DENND1B: variants seen among roughly 807,000 people sequenced by gnomAD.
DENND1B encodes the protein DENN domain containing 1B.
Under a neutral mutation model 90.1 loss-of-function variants are expected in DENND1B, and 59 were observed. That is an observed-to-expected ratio of 0.65 (90% confidence interval 0.53 to 0.81). The LOEUF is 0.81. DENND1B is among the 40% of genes least tolerant of loss of function. DENND1B has a pLI of 0.00. For missense variants in DENND1B, 862 were observed against 912.6 expected, an observed-to-expected ratio of 0.94 and a Z score of 0.71; for synonymous variants, 337 against 324.6, an observed-to-expected ratio of 1.04 and a Z score of -0.41.
At chr1:197,679,265 T>C (rs1656405800) in intron 3 of DENND1B, among the ~76,000 whole-genome samples, 1 of 151,362 alleles carries the variant, frequency 6.6e-6, no homozygotes, top group African/African-American at 2.4e-5. Context: ...AAAGACTAGA[T>C]TGGAAGCAGT....
intron 15 of DENND1B, among the ~76,000 whole-genome samples, chr1:197,573,103 T>A (rs1673329657): frequency 6.6e-6 from 1 of 152,214 alleles, no homozygotes; most frequent in Non-Finnish European, 1.5e-5. Context: ...CCTGGATTCA[T>A]TAATTTTTTG....
intron 2 of DENND1B, chr1:197,747,062 T>TCC (rs1652783801): frequency 5.1e-6 from 4 of 785,720 alleles, no homozygotes; most frequent in Admixed American, 1.7e-5. Context: ...AAATACTGAG[T>TCC]AAGCTCCTTC....
intron 13 of DENND1B, among the ~76,000 whole-genome samples, chr1:197,597,711 G>C (rs990807487): frequency 6.6e-6 from 1 of 151,766 alleles, no homozygotes; most frequent in Admixed American, 6.6e-5. Flanking sequence ...TAAATATGCA[G>C]CCTTCACTTC....
chr1:197,510,524 A>G lies in DENND1B; in HGVS notation c.2264T>C (p.Met755Thr). 30 of 1,612,380 alleles carry G rather than the reference A, an allele frequency of 1.9e-5. No homozygotes were observed. Among genetic ancestry groups the G allele is most frequent in the Non-Finnish European group, 2.5e-5 (30 of 1,179,032 alleles). Residue 755 changes from methionine (M) to threonine (T), a missense_variant, in exon 23 of 23, where the codon ATG (methionine) becomes ACG (threonine). Physicochemically the swap from Met to Thr is moderately conservative, Grantham distance 81. Coordinates refer to ENST00000620048, the MANE Select transcript of DENND1B (RefSeq NM_001195215.2). ...CAAGCTTTGTTGGAAGTCAGATGTC[A>G]TATGACATAATGACACTACTTCATG... ...LLHEVVSLCH[M>T]TSDFQQSLNI...
intron 2 of DENND1B, among the ~76,000 whole-genome samples, chr1:197,771,042 G>C (rs1381763113): frequency 2.0e-5 from 3 of 151,074 alleles, no homozygotes; most frequent in African/African-American, 7.3e-5. Flanking sequence ...CTCCCCAGTA[G>C]CTGGGATCAC....
At chr1:197,541,794 A>G (rs575997033) in intron 18 of DENND1B, among the ~76,000 whole-genome samples, 70 of 152,292 alleles carry the variant, frequency 4.6e-4, no homozygotes, top group Middle Eastern at 3.4e-3. Context: ...AGTTATCACA[A>G]CAATTCTGTA....
At chr1:197,648,091 T>G (rs1680895391) in intron 7 of DENND1B, among the ~76,000 whole-genome samples, 1 of 152,160 alleles carries the variant, frequency 6.6e-6, no homozygotes, top group Non-Finnish European at 1.5e-5. Flanking sequence ...CCACTCAAAT[T>G]CCTTTGACAA....
At chr1:197,729,307 T>C (rs374095742) in intron 2 of DENND1B, among the ~76,000 whole-genome samples, 3 of 152,142 alleles carry the variant, frequency 2.0e-5, no homozygotes, top group African/African-American at 7.2e-5. Flanking sequence ...TTCTTTCCAT[T>C]CAATGGATAT....
At chr1:197,628,553 G>C (rs1679011725) in intron 10 of DENND1B, among the ~76,000 whole-genome samples, 2 of 152,096 alleles carry the variant, frequency 1.3e-5, no homozygotes, top group East Asian at 1.9e-4. Context: ...TTAAACGTTA[G>C]ACCTAAAACC....
At chr1:197,766,407 C>G (rs1472452141) in intron 2 of DENND1B, among the ~76,000 whole-genome samples, 2 of 152,226 alleles carry the variant, frequency 1.3e-5, no homozygotes, top group Non-Finnish European at 2.9e-5. Context: ...GACAATAATG[C>G]AATACCTCCT....
chr1:197,683,246 T>C (rs998780379), intron 3 of DENND1B, among the ~76,000 whole-genome samples: 3 of 152,094 alleles, frequency 2.0e-5, no homozygotes, highest in African/African-American at 7.2e-5. Context: ...GAAAAATAAA[T>C]TAATAAATAT....
At chr1:197,638,310 C>T (rs901950297) in intron 10 of DENND1B, among the ~76,000 whole-genome samples, 10 of 152,202 alleles carry the variant, frequency 6.6e-5, no homozygotes, top group African/African-American at 2.4e-4. Flanking sequence ...TATAGACTTT[C>T]TGAGGGTGAA....
chr1:197,636,145 T>C (rs1482062745), intron 10 of DENND1B, among the ~76,000 whole-genome samples: 2 of 152,120 alleles, frequency 1.3e-5, no homozygotes, highest in African/African-American at 4.8e-5. Flanking sequence ...ATAGATTTTT[T>C]TTATTCTGAA....
intron 5 of DENND1B, among the ~76,000 whole-genome samples, chr1:197,669,384 T>C (rs529413095): frequency 1.6e-4 from 25 of 152,234 alleles, no homozygotes; most frequent in Non-Finnish European, 1.0e-4. Flanking sequence ...ACTCCTCTTA[T>C]TGTAGCACTT....
At chr1:197,653,766 A>G (rs1470394992) in intron 6 of DENND1B, among the ~76,000 whole-genome samples, 1 of 152,122 alleles carries the variant, frequency 6.6e-6, no homozygotes, top group Admixed American at 6.5e-5. Flanking sequence ...CTATGGAGAT[A>G]ATAATAATTT....
chr1:197,529,841 G>C lies in DENND1B; in HGVS notation c.1515+10123C>G, dbSNP rs192194888. 3.4e-4 allele frequency among the ~76,000 whole-genome samples: 51 copies of C among 152,106 alleles called. No homozygotes were observed. In the East Asian group the frequency reaches 7.2e-3, roughly 21 times the overall value. On this transcript the variant is annotated intron_variant, in intron 20 of 22. Transcript: ENST00000620048. Reference sequence around the variant, plus strand: ...ACTGATGAAAGAACATAAGTACATAGGATTAAGACTGTTCTGCACCATGAC... The same window carrying C: ...ACTGATGAAAGAACATAAGTACATACGATTAAGACTGTTCTGCACCATGAC...
chr1:197,638,873 T>TA (rs5779883), intron 10 of DENND1B, among the ~76,000 whole-genome samples: 146,064 of 150,688 alleles, frequency 0.97, 70,959 homozygotes, highest in East Asian at 1. Context: ...ATCAACAGAA[T>TA]AAAAAAAAAC....
chr1:197,780,460 G>T (rs1036906391), upstream of DENND1B, among the ~76,000 whole-genome samples: 2 of 151,868 alleles, frequency 1.3e-5, no homozygotes, highest in African/African-American at 4.8e-5. Context: ...CGAGTAGCTG[G>T]AACTACAGGC....
At position 197,628,075 on chromosome 1, in the gene DENND1B, A is replaced by C. The variant is rs557840187; in HGVS notation, c.673-10316T>G. On this transcript the variant is annotated intron_variant, in intron 10 of 22. Coordinates refer to ENST00000620048, the MANE Select transcript of DENND1B (RefSeq NM_001195215.2). Reference sequence around the variant, plus strand: ...TCCATGCTCATGGGTGGGAAGAATCAATATCATGAAAATGGCCATACTGCC... The same window carrying C: ...TCCATGCTCATGGGTGGGAAGAATCCATATCATGAAAATGGCCATACTGCC... 9.0e-4 allele frequency among the ~76,000 whole-genome samples: 137 copies of C among 152,344 alleles called. No homozygotes were observed. The South Asian group carries it at 9.9e-3, about 11-fold the overall frequency.
Sources: allele counts gnomAD v4.1 joint callset (sites outside exome capture counted in the v4.1 genomes callset), GRCh38; gene constraint gnomAD v4.1.1; transcripts MANE v1.5; gene names NCBI Gene and HGNC (gene_info 2026-07-23, HGNC 2026-07-21).